Variants in PCDHGB3 observed in about 807,000 individuals in gnomAD.
PCDHGB3 encodes the protein protocadherin gamma subfamily B, 3, also known as protocadherin gamma-B3.
PCDHGB3 carries 40 observed loss-of-function variants against 59.2 expected under a neutral mutation model. The observed-to-expected ratio is 0.68, with a 90% confidence interval of 0.52 to 0.88. The LOEUF is 0.88. Ranked by LOEUF, PCDHGB3 falls within the 40% of genes least tolerant of loss-of-function variation. The pLI, the probability that PCDHGB3 is intolerant of heterozygous loss-of-function variation, is 0.00. For missense variants in PCDHGB3, 1,309 were observed against 1,187.9 expected (o/e 1.10, Z -1.50); for synonymous variants, 581 against 503.6 (o/e 1.15, Z -2.06).
intron 1 of PCDHGB3, chr5:141,423,611 C>T: frequency 1.1e-5 from 18 of 1,611,094 alleles, no homozygotes; most frequent in Non-Finnish European, 1.5e-5. Flanking sequence ...CTCTTGATAG[C>T]TGAAGACTCA....
intron 1 of PCDHGB3, chr5:141,428,413 C>A: frequency 2.2e-6 from 1 of 461,904 alleles, no homozygotes; most frequent in Non-Finnish European, 4.0e-6. Context: ...TTGCTTTCAC[C>A]CTGGTCTCTG....
rs1327490895 is a variant in PCDHGB3, at chr5:141,487,672, G to A, written c.2416-7135G>A. The stretch of plus-strand genomic sequence containing the variant: ...AGGGTTATTCTGATCCAGGCATATG[G>A]CTAGGCCATGTCCTAGAGAGTACTG... On this transcript the variant is annotated intron_variant, in intron 1 of 3. Coordinates refer to ENST00000576222, the MANE Select transcript of PCDHGB3 (RefSeq NM_018924.5). This position sits in a 1 kb window ranked among gnomAD's most constrained non-coding sequence, Gnocchi z 5.0. 6.2e-7 allele frequency: 1 copy of A among 1,611,484 alleles called. No individual in the cohort carries two copies. Among genetic ancestry groups the A allele is most frequent in the Non-Finnish European group, 8.5e-7 (1 of 1,178,612 alleles).
intron 1 of PCDHGB3, chr5:141,415,379 G>T: frequency 3.7e-6 from 6 of 1,614,250 alleles, no homozygotes; most frequent in Non-Finnish European, 3.4e-6. Flanking sequence ...TCAGGAGGCG[G>T]CTTGACAGGT....
chr5:141,389,177 C>T, intron 1 of PCDHGB3: 1 of 1,614,052 alleles, frequency 6.2e-7, no homozygotes. Context: ...CTCCCCTCTC[C>T]TCCAGTTCCA....
intron 3 of PCDHGB3, 40 bp downstream of exon 3, chr5:141,505,521 T>C: frequency 1.9e-6 from 3 of 1,612,684 alleles, no homozygotes; most frequent in Non-Finnish European, 2.5e-6. Context: ...GTGGGAGACC[T>C]GGGGTTCTGG....
intron 3 of PCDHGB3, among the ~76,000 whole-genome samples, chr5:141,505,875 T>C (rs991981462): frequency 2.6e-4 from 40 of 152,140 alleles, no homozygotes; most frequent in African/African-American, 9.2e-4. Flanking sequence ...AAAGGGTTGT[T>C]GTAGAGATTA....
chr5:141,403,052 T>G (rs1336291522), intron 1 of PCDHGB3: 4 of 1,614,066 alleles, frequency 2.5e-6, no homozygotes, highest in Admixed American at 1.7e-5. Context: ...GATTCGCTAC[T>G]CAGTGCCTGA....
intron 1 of PCDHGB3, among the ~76,000 whole-genome samples, chr5:141,470,256 A>G (rs1043528709): frequency 6.6e-6 from 1 of 152,228 alleles, no homozygotes; most frequent in African/African-American, 2.4e-5. Flanking sequence ...ACCTGTCTAA[A>G]TGGAGATACA....
At chr5:141,405,407 CT>C (rs762612492) in intron 1 of PCDHGB3, 3 of 1,582,042 alleles carry the variant, frequency 1.9e-6, no homozygotes, top group South Asian at 1.1e-5. Context: ...TCTTTCTTTT[CT>C]TTTTTTGTTT....
intron 1 of PCDHGB3, chr5:141,398,849 T>G: frequency 6.2e-7 from 1 of 1,613,874 alleles, no homozygotes; most frequent in Admixed American, 1.7e-5. Flanking sequence ...AATCCCCCGG[T>G]ATTCAACCGA....
intron 1 of PCDHGB3, among the ~76,000 whole-genome samples, chr5:141,453,288 ATTATTTATTTAT>A (rs577328880): frequency 6.6e-6 from 1 of 151,342 alleles, no homozygotes; most frequent in African/African-American, 2.4e-5. Context: ...TAATTTTTTA[ATTATTTATTTAT>A]TTATTTATTT....
chr5:141,379,424 G>C (rs1775590923), intron 1 of PCDHGB3: 1 of 152,218 alleles, frequency 6.6e-6, no homozygotes, highest in Non-Finnish European at 1.5e-5. Context: ...TCATGAGTTA[G>C]ATGGGCTGTT....
intron 1 of PCDHGB3, chr5:141,403,573 C>G: frequency 6.2e-7 from 1 of 1,613,946 alleles, no homozygotes; most frequent in South Asian, 1.1e-5. Context: ...AGGCAACTGC[C>G]CACCACCTGG....
At position 141,433,110 on chromosome 5, in the gene PCDHGB3, G is replaced by A. The variant is rs1031253372; in HGVS notation, c.2415+60301G>A. On this transcript the variant is annotated intron_variant, in intron 1 of 3. Coordinates refer to ENST00000576222, the MANE Select transcript of PCDHGB3 (RefSeq NM_018924.5). Reference sequence around the variant, plus strand: ...GCAGACATGCTCGTCAGCCAGGAGAGCTTTGAAAAAAGCGAGCCCCTTTTG... The same window carrying A: ...GCAGACATGCTCGTCAGCCAGGAGAACTTTGAAAAAAGCGAGCCCCTTTTG... 3.1e-6 allele frequency: 5 copies of A among 1,613,982 alleles called. No homozygotes were observed. The African/African-American group carries it at 5.3e-5, about 17-fold the overall frequency.
chr5:141,394,502 G>T, intron 1 of PCDHGB3: 1 of 1,614,226 alleles, frequency 6.2e-7, no homozygotes, highest in Non-Finnish European at 8.5e-7. Flanking sequence ...CCGAGATCCT[G>T]TACCCCGCCC....
chr5:141,418,107 A>C, intron 1 of PCDHGB3: 1 of 1,614,036 alleles, frequency 6.2e-7, no homozygotes, highest in Non-Finnish European at 8.5e-7. Flanking sequence ...CAGAGCGGGG[A>C]CTTACTTGTG....
At chr5:141,394,455 C>T in intron 1 of PCDHGB3, 1 of 1,614,268 alleles carries the variant, frequency 6.2e-7, no homozygotes, top group Non-Finnish European at 8.5e-7. Flanking sequence ...CAACATGTCA[C>T]TGAGCCTGTT....
intron 2 of PCDHGB3, among the ~76,000 whole-genome samples, chr5:141,496,703 GT>G (rs1360916053): frequency 6.6e-6 from 1 of 152,132 alleles, no homozygotes; most frequent in East Asian, 1.9e-4. Context: ...CTTCTCATAA[GT>G]TATCCATTAA....
chr5:141,475,343 G>A (rs1425482944), intron 1 of PCDHGB3, among the ~76,000 whole-genome samples: 1 of 152,178 alleles, frequency 6.6e-6, no homozygotes, highest in Non-Finnish European at 1.5e-5. Flanking sequence ...ATGACATCCA[G>A]TTTTAAAAGA....
Sources: gnomAD v4.1 joint callset for allele counts (sites outside exome capture counted in the v4.1 genomes callset) on GRCh38, gnomAD v4.1.1 for gene constraint, Gnocchi (gnomAD v3.1) non-coding constraint, MANE v1.5 for transcripts, NCBI Gene and HGNC (gene_info 2026-07-23, HGNC 2026-07-21) for gene names.